The following CP variants were observed in gnomAD, a reference collection of about 807,000 sequenced individuals.
CP encodes caeruloplasmin.
In CP, 64 loss-of-function variants were observed where a neutral mutation model predicts 122.4. That is an observed-to-expected ratio of 0.52 (90% confidence interval 0.43 to 0.64). CP has a LOEUF of 0.64. Among genes scored for constraint, CP ranks in the 30% least tolerant of loss-of-function variants. The pLI is 0.00. For synonymous variants in CP, 440 were observed against 436.4 expected, an observed-to-expected ratio of 1.01 and a Z score of -0.10; for missense variants, 1,167 against 1,284.4, an observed-to-expected ratio of 0.91 and a Z score of 1.40.
intron 1 of CP, among the ~76,000 whole-genome samples, chr3:149,218,913 A>T (rs1462601844): frequency 1.3e-5 from 2 of 152,168 alleles, no homozygotes; most frequent in Non-Finnish European, 2.9e-5. Flanking sequence ...TTCACATCTT[A>T]TTCTTCAGCC....
intron 9 of CP, among the ~76,000 whole-genome samples, chr3:149,189,357 T>A (rs1044988834): frequency 2.0e-5 from 3 of 151,820 alleles, no homozygotes; most frequent in African/African-American, 7.3e-5. Flanking sequence ...ATCGAGACCA[T>A]CCTGGCTAAC....
At chr3:149,179,424 A>G in intron 15 of CP, 132 bp downstream of exon 15, 1 of 732,380 alleles carries the variant, frequency 1.4e-6, no homozygotes, top group Non-Finnish European at 2.4e-6. Context: ...TAGTTGCTAA[A>G]GTAGATTGCA....
Position 149,165,774 on chromosome 3 carries a change from C to A in CP, c.*13+172G>T, listed in dbSNP as rs531554789. Among the ~76,000 whole-genome samples the A allele has an allele frequency of 2.0e-5, 3 of 152,182 alleles. 1 individual carries two copies. The highest frequency in any genetic ancestry group is 7.2e-5 in the African/African-American group (3 of 41,434). ...TCCTTCCTACTGCCCCCACTCCCTT[C>A]CCCATTATCTGGATTAGTCAAGAGT... On this transcript the variant is annotated intron_variant, in intron 5 of 5. Transcript: ENST00000479771.
rs191452536 is a variant in CP at position 149,189,855 on chromosome 3, A to G, written c.1714-1653T>C. Among the ~76,000 whole-genome samples, 202 of 152,266 alleles carry G rather than the reference A, an allele frequency of 1.3e-3. 1 individual carries two copies. Among genetic ancestry groups the G allele is most frequent in the Non-Finnish European group, 1.8e-3 (124 of 68,014 alleles). On this transcript the variant is annotated intron_variant, in intron 9 of 18. Coordinates refer to ENST00000264613, the MANE Select transcript of CP (RefSeq NM_000096.4). ...TTAAAAATTACTAGTCAAGGACAAAAAGTAAAAAAAGAATGTCATTTTTGA... is the reference window on the plus strand; with the variant it reads ...TTAAAAATTACTAGTCAAGGACAAAGAGTAAAAAAAGAATGTCATTTTTGA...
chr3:149,193,090 A>T lies in CP; in HGVS notation c.1714-4888T>A, dbSNP rs1419562850. 5.9e-5 allele frequency among the ~76,000 whole-genome samples: 9 copies of T among 151,944 alleles called. No homozygotes were observed. In the East Asian group the frequency reaches 1.7e-3, roughly 29 times the overall value. On this transcript the variant is annotated intron_variant, in intron 9 of 18. Coordinates refer to ENST00000264613, the MANE Select transcript of CP (RefSeq NM_000096.4). ...ACTCTGACATTGTCTCTTCTTTCCCACTTGATACTTCAAAAAATTCTAGTC... is the reference window on the plus strand; with the variant it reads ...ACTCTGACATTGTCTCTTCTTTCCCTCTTGATACTTCAAAAAATTCTAGTC...
chr3:149,186,679 C>G lies in CP; in HGVS notation c.1918G>C (p.Asp640His), dbSNP rs1251171507. 6.2e-7 allele frequency: 1 copy of G among 1,614,198 alleles called. No individual in the cohort carries two copies. Among genetic ancestry groups the G allele is most frequent in the Non-Finnish European group, 8.5e-7 (1 of 1,180,024 alleles). The change falls in exon 11 of 19, where the codon GAT becomes CAT. Residue 640 changes from aspartate to histidine, a missense_variant. Asp to His is a moderately conservative substitution (Grantham distance 81). Coordinates refer to ENST00000264613, the MANE Select transcript of CP (RefSeq NM_000096.4). ...CTGAATAAGTACCACACGACCGAAT[C>G]TCCTTTGCACATAGTGAGACCCGGC... ...NQPGLTMCKG[D>H]SVVWYLFSAG... is the part of the protein sequence containing the mutation.
At chr3:149,216,222 G>C (rs1238822519) in intron 1 of CP, among the ~76,000 whole-genome samples, 1 of 152,192 alleles carries the variant, frequency 6.6e-6, no homozygotes, top group Non-Finnish European at 1.5e-5. Context: ...GCATGGTGTG[G>C]CTGGGTTCAC....
chr3:149,208,992 T>C (rs1044894713), intron 4 of CP, among the ~76,000 whole-genome samples: 1 of 152,184 alleles, frequency 6.6e-6, no homozygotes, highest in African/African-American at 2.4e-5. Flanking sequence ...TGCTTTATCC[T>C]TACCAGTTGG....
At chr3:149,176,577 A>G (rs141785513) in intron 17 of CP, 165 bp from the exon 18 acceptor site, 3 of 619,086 alleles carry the variant, frequency 4.8e-6, no homozygotes, top group South Asian at 2.0e-5. Context: ...TGGTTTTTGT[A>G]TTCCTAATAA....
chr3:149,179,476 C>T, intron 15 of CP, 80 bp downstream of exon 15: 1 of 1,084,860 alleles, frequency 9.2e-7, no homozygotes, highest in Admixed American at 1.8e-5. Context: ...AATTGGACCA[C>T]AGGAAAACAC....
chr3:149,190,276 A>G (rs1726456905), intron 9 of CP, among the ~76,000 whole-genome samples: 1 of 152,204 alleles, frequency 6.6e-6, no homozygotes, highest in Non-Finnish European at 1.5e-5. Flanking sequence ...AAAAATGTAA[A>G]TCATTATATG....
chr3:149,213,802 A>G (rs2108305105), intron 1 of CP, among the ~76,000 whole-genome samples: 1 of 152,266 alleles, frequency 6.6e-6, no homozygotes, highest in South Asian at 2.1e-4. Flanking sequence ...GGTAAAAGTG[A>G]GATATATTTT....
In CP at chr3:149,200,940, T is replaced by C. The variant is rs368990328; in HGVS notation, c.1349-1076A>G. On this transcript the variant is annotated intron_variant, in intron 7 of 18. Coordinates refer to ENST00000264613, the MANE Select transcript of CP (RefSeq NM_000096.4). ...AAGTATTATACCTCTGAGTCACCGC[T>C]AGGAAAAAAAAAAGTGAAGAACCAG... Among the ~76,000 whole-genome samples, 98 of 151,820 alleles carry C rather than the reference T, an allele frequency of 6.5e-4. 1 individual carries two copies. Among genetic ancestry groups the C allele is most frequent in the African/African-American group, 2.2e-3 (93 of 41,396 alleles).
At chr3:149,211,618 C>T (rs141850985) in intron 2 of CP, among the ~76,000 whole-genome samples, 1 of 152,320 alleles carries the variant, frequency 6.6e-6, no homozygotes, top group East Asian at 1.9e-4. Context: ...TCATATGTGA[C>T]TACAGTCATC....
At chr3:149,219,092 A>G (rs1215905785) in intron 1 of CP, among the ~76,000 whole-genome samples, 3 of 152,218 alleles carry the variant, frequency 2.0e-5, no homozygotes. Flanking sequence ...TTAGCATAGT[A>G]TTGGCAAAAT....
At chr3:149,211,781 T>C (rs1335482307) in intron 2 of CP, among the ~76,000 whole-genome samples, 1 of 152,194 alleles carries the variant, frequency 6.6e-6, no homozygotes, top group South Asian at 2.1e-4. Context: ...TGAGTCCTTC[T>C]TTCTCTTCCC....
chr3:149,204,479 A>G (rs372369343), intron 6 of CP, among the ~76,000 whole-genome samples: 1 of 152,184 alleles, frequency 6.6e-6, no homozygotes, highest in Non-Finnish European at 1.5e-5. Context: ...GGGTGTCACT[A>G]AGAAGTTTGA....
At chr3:149,170,825 CAT>C (rs1266403459), downstream of CP, among the ~76,000 whole-genome samples, 1 of 152,118 alleles carries the variant, frequency 6.6e-6, no homozygotes, top group African/African-American at 2.4e-5. Context: ...ATGGCACTGA[CAT>C]GTGGATAGAA....
chr3:149,210,091 G>C (rs542254045), intron 3 of CP, 76 bp downstream of exon 3: 2 of 1,433,740 alleles, frequency 1.4e-6, no homozygotes, highest in Admixed American at 1.7e-5. Flanking sequence ...CAGAAGACTT[G>C]ATTTCTTTTT....
Sources: gnomAD v4.1 joint callset for allele counts (sites outside exome capture counted in the v4.1 genomes callset) on GRCh38, gnomAD v4.1.1 for gene constraint, MANE v1.5 for transcripts, NCBI Gene and HGNC (gene_info 2026-07-23, HGNC 2026-07-21) for gene names.